ZMAT4: variants seen among roughly 807,000 people sequenced by gnomAD.
The protein encoded by ZMAT4 is zinc finger matrin-type 4.
Under a neutral mutation model 28.7 loss-of-function variants are expected in ZMAT4, and 17 were observed. The ratio of observed to expected loss-of-function variants is 0.59; its 90% CI spans 0.41 to 0.89. ZMAT4 has a LOEUF of 0.89. ZMAT4 is among the 40% of genes least tolerant of loss of function. The probability of loss-of-function intolerance (pLI) is 0.00; values close to 1 mark genes in which losing one functional copy is unlikely to be tolerated. For missense variants in ZMAT4, 240 were observed against 283.8 expected, an observed-to-expected ratio of 0.85 and a Z score of 1.11; for synonymous variants, 117 against 109.2, an observed-to-expected ratio of 1.07 and a Z score of -0.44.
intron 1 of ZMAT4, among the ~76,000 whole-genome samples, chr8:40,860,474 T>G (rs1817449821): frequency 6.6e-6 from 1 of 152,226 alleles, no homozygotes; most frequent in Admixed American, 6.5e-5. Flanking sequence ...CACCATGATA[T>G]TGTTACATTG....
At chr8:40,608,703 G>C (rs1294964203) in intron 5 of ZMAT4, among the ~76,000 whole-genome samples, 1 of 152,182 alleles carries the variant, frequency 6.6e-6, no homozygotes, top group Non-Finnish European at 1.5e-5. Flanking sequence ...AAGGATCCCT[G>C]TGAGACAAAG....
At chr8:40,674,553 G>T (rs908937940) in intron 5 of ZMAT4, 151 bp downstream of exon 5, 3 of 622,972 alleles carry the variant, frequency 4.8e-6, no homozygotes, top group Non-Finnish European at 8.5e-6. Context: ...CAAGCCTTCT[G>T]CTCATTTCCT....
chr8:40,699,212 G>C (rs1191970498), intron 3 of ZMAT4, among the ~76,000 whole-genome samples: 1 of 152,046 alleles, frequency 6.6e-6, no homozygotes, highest in Non-Finnish European at 1.5e-5. Flanking sequence ...GTTCCTGAAG[G>C]GTTCCAGCCC....
At chr8:40,810,279 T>A (rs1483423955) in intron 2 of ZMAT4, among the ~76,000 whole-genome samples, 2 of 152,110 alleles carry the variant, frequency 1.3e-5, no homozygotes, top group African/African-American at 4.8e-5. Flanking sequence ...ACTAAACAAA[T>A]AGCTAAGTCA....
At chr8:40,675,115 A>C (rs1472028438) in intron 4 of ZMAT4, among the ~76,000 whole-genome samples, 184 bp from the exon 5 acceptor site, 1 of 152,182 alleles carries the variant, frequency 6.6e-6, no homozygotes, top group Admixed American at 6.5e-5. Context: ...ACAAATAAAA[A>C]TTCTTAATGT....
chr8:40,740,992 G>GCACACACA (rs5891118), intron 3 of ZMAT4, among the ~76,000 whole-genome samples: 1 of 148,478 alleles, frequency 6.7e-6, no homozygotes, highest in South Asian at 2.1e-4. Context: ...TGATAAATGC[G>GCACACACA]CACACACACA....
chr8:40,890,526 G>A lies in ZMAT4; in HGVS notation c.-5+7157C>T, dbSNP rs549371772. On this transcript the variant is annotated intron_variant, in intron 1 of 6. Coordinates refer to ENST00000297737, the MANE Select transcript of ZMAT4 (RefSeq NM_024645.3). ...TGCCACTGTCTTCCTGCGGGCCCTC[G>A]CCATTTCTCACCTGGACAGCAGCAA... 3.3e-5 allele frequency among the ~76,000 whole-genome samples: 5 copies of A among 151,788 alleles called. No homozygotes were observed. The South Asian group carries it at 6.3e-4, about 19-fold the overall frequency.
At chr8:40,801,299 T>A (rs190127566) in intron 2 of ZMAT4, among the ~76,000 whole-genome samples, 20 of 147,832 alleles carry the variant, frequency 1.4e-4, no homozygotes, top group African/African-American at 4.8e-4. Context: ...TTAGGAAAAA[T>A]TATACCAATT....
intron 1 of ZMAT4, among the ~76,000 whole-genome samples, chr8:40,832,083 G>A (rs1341582535): frequency 1.3e-5 from 2 of 152,134 alleles, no homozygotes; most frequent in Non-Finnish European, 2.9e-5. Context: ...TGTGCCCACG[G>A]CCTTCACCCC....
intron 2 of ZMAT4, among the ~76,000 whole-genome samples, chr8:40,778,853 G>A (rs1008421322): frequency 2.0e-5 from 3 of 152,126 alleles, no homozygotes; most frequent in Non-Finnish European, 2.9e-5. Context: ...TCTGAAATAC[G>A]TAATCCATCA....
At chr8:40,714,831 A>G (rs1810773923) in intron 3 of ZMAT4, among the ~76,000 whole-genome samples, 1 of 152,118 alleles carries the variant, frequency 6.6e-6, no homozygotes, top group Non-Finnish European at 1.5e-5. Context: ...CTGGCGGATC[A>G]TGAGGTCAGG....
intron 4 of ZMAT4, among the ~76,000 whole-genome samples, chr8:40,678,435 G>T (rs1005098411): frequency 1.3e-5 from 2 of 152,106 alleles, no homozygotes; most frequent in Non-Finnish European, 2.9e-5. Flanking sequence ...ACCAGCCTTT[G>T]CCCAAGGCCA....
chr8:40,664,756 G>A (rs146241645), intron 5 of ZMAT4, among the ~76,000 whole-genome samples: 1,784 of 152,326 alleles, frequency 0.012, 18 homozygotes, highest in Admixed American at 0.018. Context: ...GGTAATGATT[G>A]CACAGCAATA....
chr8:40,589,720 C>CTTTTT (rs1279672853), intron 5 of ZMAT4, among the ~76,000 whole-genome samples: 1 of 138,294 alleles, frequency 7.2e-6, no homozygotes. Context: ...TTCCTTCTTC[C>CTTTTT]TTCTTCCTTT....
intron 1 of ZMAT4, among the ~76,000 whole-genome samples, chr8:40,826,459 T>TTTC (rs1816047924): frequency 6.6e-6 from 1 of 152,172 alleles, no homozygotes; most frequent in Non-Finnish European, 1.5e-5. Flanking sequence ...CTTTTGCAAT[T>TTTC]TTCTTCATTT....
chr8:40,800,938 C>G (rs960710696), intron 2 of ZMAT4, among the ~76,000 whole-genome samples: 9 of 151,934 alleles, frequency 5.9e-5, no homozygotes, highest in African/African-American at 1.7e-4. Flanking sequence ...ACCAAATGCT[C>G]ATTCTTCGAA....
intron 4 of ZMAT4, among the ~76,000 whole-genome samples, chr8:40,686,438 C>T (rs34086989): frequency 0.38 from 57,733 of 151,634 alleles, 12,457 homozygotes; most frequent in Middle Eastern, 0.62. Flanking sequence ...GTACTCCAAC[C>T]TGGGTAACAG....
chr8:40,784,131 TTA>T (rs1218703359), intron 2 of ZMAT4, among the ~76,000 whole-genome samples: 1 of 152,210 alleles, frequency 6.6e-6, no homozygotes, highest in African/African-American at 2.4e-5. Flanking sequence ...CCAGATCATT[TTA>T]TGAGGTTGAT....
At chr8:40,683,352 C>T (rs1466053557) in intron 4 of ZMAT4, among the ~76,000 whole-genome samples, 1 of 152,202 alleles carries the variant, frequency 6.6e-6, no homozygotes, top group African/African-American at 2.4e-5. Flanking sequence ...AGGTGCTACA[C>T]TCCCTGAGTT....
Sources: gnomAD v4.1 joint callset for allele counts (sites outside exome capture counted in the v4.1 genomes callset) on GRCh38, gnomAD v4.1.1 for gene constraint, MANE v1.5 for transcripts, NCBI Gene and HGNC (gene_info 2026-07-23, HGNC 2026-07-21) for gene names.